Variants in ACVR1 observed in about 807,000 individuals in gnomAD.
The protein encoded by ACVR1 is activin A receptor type 1.
A neutral mutation model predicts 57.1 loss-of-function variants in ACVR1; 38 were observed. The ratio of observed to expected loss-of-function variants is 0.67; its 90% confidence interval spans 0.51 to 0.87. The LOEUF is 0.87. Among genes scored for constraint, ACVR1 ranks in the 40% least tolerant of loss-of-function variants. The pLI is 0.00. For missense variants in ACVR1, 463 were observed against 638.2 expected (o/e 0.73, Z 2.96); for synonymous variants, 212 against 228.1 (o/e 0.93, Z 0.63).
chr2:157,825,888 G>A (rs368812677), intron 1 of ACVR1, among the ~76,000 whole-genome samples: 25 of 152,224 alleles, frequency 1.6e-4, no homozygotes, highest in Admixed American at 1.3e-3. Flanking sequence ...CCCAACACAC[G>A]ACTCCCTAAA....
At chr2:157,867,595 G>C (rs560164309) in intron 1 of ACVR1, among the ~76,000 whole-genome samples, 1 of 152,192 alleles carries the variant, frequency 6.6e-6, no homozygotes, top group South Asian at 2.1e-4. Context: ...GGGGCTGCCA[G>C]AGTTTTCAGT....
chr2:157,758,444 T>C (rs1482149645), intron 9 of ACVR1, among the ~76,000 whole-genome samples: 1 of 152,032 alleles, frequency 6.6e-6, no homozygotes, highest in Non-Finnish European at 1.5e-5. Context: ...GAAAAAATCA[T>C]GCAGTTCACA....
chr2:157,870,252 T>A (rs1186091806), intron 1 of ACVR1, among the ~76,000 whole-genome samples: 1 of 97,688 alleles, frequency 1.0e-5, no homozygotes, highest in Non-Finnish European at 2.1e-5. Flanking sequence ...CTCTGTACAT[T>A]TCTAAAGTTC....
intron 1 of ACVR1, among the ~76,000 whole-genome samples, chr2:157,858,066 T>G (rs1001805778): frequency 7.9e-5 from 12 of 152,044 alleles, no homozygotes; most frequent in African/African-American, 2.9e-4. Context: ...CTCGATCTAG[T>G]GGTCTCCTCC....
chr2:157,777,923 C>T lies in ACVR1; in HGVS notation c.543+208G>A, dbSNP rs371960885. Among the ~76,000 whole-genome samples the T allele has an allele frequency of 1.2e-4, 18 of 152,286 alleles. 1 individual carries two copies. The highest frequency in any genetic ancestry group is 4.3e-4 in the African/African-American group (18 of 41,560). The stretch of plus-strand genomic sequence containing the variant: ...AACACTACTAAAATAAATCCCATCC[C>T]TTATTTAAATGTCTATCTAAAATGG... On this transcript the variant is annotated intron_variant, in intron 5 of 10. Transcript: ENST00000434821.
At chr2:157,820,729 C>T (rs1688133598) in intron 1 of ACVR1, among the ~76,000 whole-genome samples, 1 of 152,030 alleles carries the variant, frequency 6.6e-6, no homozygotes, top group Admixed American at 6.6e-5. Context: ...CTTATATTTC[C>T]CAGATCTTTC....
intron 9 of ACVR1, among the ~76,000 whole-genome samples, chr2:157,742,864 T>C (rs1574007075): frequency 6.6e-6 from 1 of 152,018 alleles, no homozygotes; most frequent in African/African-American, 2.4e-5. Context: ...GACCCGCAGG[T>C]CTCTCTGCAT....
At chr2:157,857,867 G>C (rs113355725) in intron 1 of ACVR1, among the ~76,000 whole-genome samples, 2 of 152,148 alleles carry the variant, frequency 1.3e-5, no homozygotes, top group African/African-American at 2.4e-5. Flanking sequence ...ATTTTATGGA[G>C]CCCCAGGTAA....
intron 2 of ACVR1, among the ~76,000 whole-genome samples, chr2:157,805,617 C>G (rs1687490507): frequency 1.3e-5 from 2 of 152,152 alleles, no homozygotes; most frequent in South Asian, 4.1e-4. Flanking sequence ...CCTGCTTTTT[C>G]TTAGTCTTCT....
intron 3 of ACVR1, among the ~76,000 whole-genome samples, chr2:157,787,456 C>A (rs548709182): frequency 4.6e-4 from 70 of 152,268 alleles, no homozygotes; most frequent in Middle Eastern, 3.4e-3. Context: ...GTCTCCTCAG[C>A]GTATGTGCCA....
At chr2:157,847,492 A>G (rs1181413859) in intron 1 of ACVR1, among the ~76,000 whole-genome samples, 1 of 152,228 alleles carries the variant, frequency 6.6e-6, no homozygotes, top group Non-Finnish European at 1.5e-5. Flanking sequence ...ATCAGAAACG[A>G]TGTTTTTAAG....
chr2:157,772,572 T>C (rs895912853), intron 6 of ACVR1, among the ~76,000 whole-genome samples: 4 of 152,232 alleles, frequency 2.6e-5, no homozygotes, highest in Non-Finnish European at 4.4e-5. Context: ...TGCATTACTA[T>C]TTTGCCATTT....
chr2:157,772,731 G>A (rs1000876481), intron 6 of ACVR1, among the ~76,000 whole-genome samples: 9 of 152,216 alleles, frequency 5.9e-5, no homozygotes, highest in African/African-American at 2.2e-4. Context: ...TAAGATACTA[G>A]TTAGTACAAG....
chr2:157,764,907 A>G (rs1685806142), intron 8 of ACVR1, among the ~76,000 whole-genome samples: 1 of 152,222 alleles, frequency 6.6e-6, no homozygotes, highest in African/African-American at 2.4e-5. Flanking sequence ...AGGGATTCAA[A>G]GGAAATAAAT....
intron 3 of ACVR1, among the ~76,000 whole-genome samples, chr2:157,790,551 T>A (rs1375636456): frequency 1.3e-5 from 2 of 152,256 alleles, no homozygotes; most frequent in Non-Finnish European, 2.9e-5. Flanking sequence ...TGGCTTCTGC[T>A]TTCATAATAA....
intron 1 of ACVR1, among the ~76,000 whole-genome samples, chr2:157,827,397 GT>G (rs1256852807): frequency 6.6e-6 from 1 of 152,016 alleles, no homozygotes; most frequent in Non-Finnish European, 1.5e-5. Context: ...AATGAACAAT[GT>G]TTTATGTGGC....
At chr2:157,777,874 C>T (rs548711750) in intron 5 of ACVR1, among the ~76,000 whole-genome samples, 2 of 152,286 alleles carry the variant, frequency 1.3e-5, no homozygotes, top group East Asian at 3.9e-4. Flanking sequence ...TGCTTTACCC[C>T]TCAGAGAAAA....
chr2:157,820,288 T>A (rs1688116712), intron 1 of ACVR1, among the ~76,000 whole-genome samples: 1 of 152,148 alleles, frequency 6.6e-6, no homozygotes, highest in African/African-American at 2.4e-5. Context: ...AAAAACAAAC[T>A]CGCACCCGCA....
At chr2:157,744,977 T>C (rs1684911795) in intron 9 of ACVR1, among the ~76,000 whole-genome samples, 1 of 152,242 alleles carries the variant, frequency 6.6e-6, no homozygotes, top group Non-Finnish European at 1.5e-5. Flanking sequence ...GTAAAGTACA[T>C]GCTGTGACAG....
Sources: allele counts gnomAD v4.1 joint callset (sites outside exome capture counted in the v4.1 genomes callset), GRCh38; gene constraint gnomAD v4.1.1; transcripts MANE v1.5; gene names NCBI Gene and HGNC (gene_info 2026-07-23, HGNC 2026-07-21).